The following EPHA6 variants were observed in gnomAD, a reference collection of about 807,000 sequenced individuals.
EPHA6 encodes EPH receptor A6.
Under a neutral mutation model 112.0 loss-of-function variants are expected in EPHA6, and 50 were observed. That is an observed-to-expected ratio of 0.45 (90% confidence interval 0.36 to 0.56). The LOEUF is 0.56. Among genes scored for constraint, EPHA6 ranks in the 20% least tolerant of loss-of-function variants. The pLI is 0.00. For synonymous variants in EPHA6, 529 were observed against 490.7 expected (o/e 1.08, Z -1.03); for missense variants, 1,280 against 1,417.4 (o/e 0.90, Z 1.56).
At chr3:97,130,421 T>C (rs1383221554) in intron 3 of EPHA6, among the ~76,000 whole-genome samples, 5 of 151,580 alleles carry the variant, frequency 3.3e-5, no homozygotes, top group Non-Finnish European at 7.4e-5. Context: ...TTTAATCCAG[T>C]TTTTATAGGA....
At chr3:96,828,384 A>G (rs2033804300) in intron 1 of EPHA6, among the ~76,000 whole-genome samples, 1 of 152,150 alleles carries the variant, frequency 6.6e-6, no homozygotes, top group Non-Finnish European at 1.5e-5. Flanking sequence ...GAAAATTTAA[A>G]AAACTACCTA....
intron 5 of EPHA6, among the ~76,000 whole-genome samples, chr3:97,289,130 A>G (rs373662904): frequency 3.3e-5 from 5 of 152,142 alleles, no homozygotes; most frequent in African/African-American, 1.2e-4. Context: ...ATTGATTTGG[A>G]GGACTTAGTC....
chr3:97,088,068 C>G (rs1038976349), intron 3 of EPHA6, among the ~76,000 whole-genome samples: 3 of 151,986 alleles, frequency 2.0e-5, no homozygotes, highest in African/African-American at 7.2e-5. Context: ...ATAGTCCCAG[C>G]TACTCAGGAG....
chr3:96,904,520 C>A (rs1040385965), intron 2 of EPHA6, among the ~76,000 whole-genome samples: 1 of 150,820 alleles, frequency 6.6e-6, no homozygotes, highest in Non-Finnish European at 1.5e-5. Context: ...TGACGAGTTA[C>A]TGGGTGCAGC....
intron 5 of EPHA6, among the ~76,000 whole-genome samples, chr3:97,365,080 C>T (rs576031616): frequency 6.6e-6 from 1 of 152,208 alleles, no homozygotes; most frequent in South Asian, 2.1e-4. Flanking sequence ...ATACAGAATG[C>T]AATCACGGAA....
At chr3:97,648,827 C>T (rs1453697244) in intron 14 of EPHA6, among the ~76,000 whole-genome samples, 4 of 152,124 alleles carry the variant, frequency 2.6e-5, no homozygotes, top group African/African-American at 4.8e-5. Flanking sequence ...AAGAATAAAA[C>T]TTTATCCATT....
At chr3:97,554,633 A>G (rs1236631485) in intron 11 of EPHA6, among the ~76,000 whole-genome samples, 25 of 152,156 alleles carry the variant, frequency 1.6e-4, no homozygotes, top group African/African-American at 5.3e-4. Flanking sequence ...TCAAACTCAT[A>G]GTCCAACATG....
intron 3 of EPHA6, among the ~76,000 whole-genome samples, chr3:97,135,339 A>G (rs1287567951): frequency 6.6e-6 from 1 of 152,138 alleles, no homozygotes; most frequent in African/African-American, 2.4e-5. Context: ...CTAGAGCCCA[A>G]ACCTTACTGA....
intron 15 of EPHA6, among the ~76,000 whole-genome samples, chr3:97,720,961 G>T (rs147058909): frequency 2.0e-5 from 3 of 152,256 alleles, no homozygotes; most frequent in Middle Eastern, 3.4e-3. Context: ...TATAGAACAG[G>T]AGAATTCACA....
At chr3:97,481,482 C>T in intron 9 of EPHA6, 4 of 1,197,842 alleles carry the variant, frequency 3.3e-6, no homozygotes, top group East Asian at 2.5e-5. Context: ...ATAAGGAAGG[C>T]ACAAACCATA....
intron 3 of EPHA6, among the ~76,000 whole-genome samples, chr3:97,081,797 A>G (rs139501259): frequency 0.014 from 2,104 of 151,538 alleles, 40 homozygotes; most frequent in African/African-American, 0.047. Flanking sequence ...TTCATGCATC[A>G]ATTAAAATAA....
At chr3:97,581,068 A>G (rs1036882681) in intron 11 of EPHA6, among the ~76,000 whole-genome samples, 3 of 152,214 alleles carry the variant, frequency 2.0e-5, no homozygotes, top group Non-Finnish European at 4.4e-5. Flanking sequence ...TTTCATGCTC[A>G]CATAAGCAGT....
intron 3 of EPHA6, among the ~76,000 whole-genome samples, chr3:97,109,078 G>A (rs1230222035): frequency 6.6e-6 from 1 of 152,090 alleles, no homozygotes; most frequent in African/African-American, 2.4e-5. Flanking sequence ...TTGATTTCTT[G>A]CCAAGTTTTT....
chr3:97,307,274 T>A (rs2108741651), intron 5 of EPHA6, among the ~76,000 whole-genome samples: 1 of 151,876 alleles, frequency 6.6e-6, no homozygotes. Flanking sequence ...AGGTCTCAAT[T>A]GATGAAATTC....
At chr3:97,660,973 A>AT in intron 14 of EPHA6, among the ~76,000 whole-genome samples, 1 of 152,014 alleles carries the variant, frequency 6.6e-6, no homozygotes, top group East Asian at 1.9e-4. Context: ...GTAGTTTGTC[A>AT]TTTTTATCAA....
intron 14 of EPHA6, among the ~76,000 whole-genome samples, chr3:97,710,829 G>A (rs1040428132): frequency 4.6e-5 from 7 of 152,182 alleles, no homozygotes; most frequent in African/African-American, 1.7e-4. Flanking sequence ...GTATACTTTG[G>A]AGTACTATTC....
rs184116814 is a variant in EPHA6 at position 97,714,484 on chromosome 3, G to A, written c.2785-5777G>A. On this transcript the variant is annotated intron_variant, in intron 14 of 17. Transcript: ENST00000389672. ...CCTAAATTTGTAAATCTCAATAAAG[G>A]AGGAATACACATGCCTCTCTGAAAG... is the stretch of plus-strand genomic sequence containing the variant. Among the ~76,000 whole-genome samples, 242 of 152,230 alleles carry A rather than the reference G, an allele frequency of 1.6e-3. 1 individual carries two copies. The highest frequency in any genetic ancestry group is 5.4e-3 in the African/African-American group (223 of 41,518).
chr3:97,179,069 C>CT, intron 3 of EPHA6, among the ~76,000 whole-genome samples: 1 of 151,814 alleles, frequency 6.6e-6, no homozygotes, highest in South Asian at 2.1e-4. Flanking sequence ...TTTTCTTTTT[C>CT]TTTTTTGTCT....
intron 5 of EPHA6, among the ~76,000 whole-genome samples, chr3:97,316,479 C>T (rs1446357290): frequency 6.6e-6 from 1 of 151,864 alleles, no homozygotes; most frequent in Non-Finnish European, 1.5e-5. Flanking sequence ...CCAGGGATTG[C>T]TGCGTTTTCT....
Sources: gnomAD v4.1 joint callset for allele counts (sites outside exome capture counted in the v4.1 genomes callset) on GRCh38, gnomAD v4.1.1 for gene constraint, MANE v1.5 for transcripts, NCBI Gene and HGNC (gene_info 2026-07-23, HGNC 2026-07-21) for gene names.